The following PARD3B variants were observed in gnomAD, a reference collection of about 807,000 sequenced individuals.
The protein encoded by PARD3B is partitioning defective 3 homolog B.
In PARD3B, 103 loss-of-function variants were observed where a neutral mutation model predicts 130.2. The observed-to-expected ratio is 0.79, with a 90% confidence interval of 0.67 to 0.93. The LOEUF (loss-of-function observed/expected upper bound fraction) is 0.93, where lower values mean the gene tolerates loss of function less well. Ranked by LOEUF, PARD3B falls within the 40% of genes least tolerant of loss-of-function variation. PARD3B has a pLI of 0.00. For missense variants in PARD3B, 1,609 were observed against 1,499.2 expected, an observed-to-expected ratio of 1.07 and a Z score of -1.21; for synonymous variants, 583 against 553.2, an observed-to-expected ratio of 1.05 and a Z score of -0.76.
intron 1 of PARD3B, among the ~76,000 whole-genome samples, chr2:204,600,785 CATT>C (rs1176340530): frequency 1.3e-5 from 2 of 151,804 alleles, no homozygotes; most frequent in African/African-American, 2.4e-5. Context: ...TTCTTTCCAT[CATT>C]GACTAGCCTC....
intron 2 of PARD3B, among the ~76,000 whole-genome samples, chr2:204,753,388 ACT>A (rs2040539899): frequency 6.6e-6 from 1 of 152,026 alleles, no homozygotes; most frequent in African/African-American, 2.4e-5. Context: ...TAATTTGAAG[ACT>A]CTTAAAGTTC....
At chr2:205,444,992 A>G (rs1471126473) in intron 20 of PARD3B, among the ~76,000 whole-genome samples, 1 of 152,160 alleles carries the variant, frequency 6.6e-6, no homozygotes, top group African/African-American at 2.4e-5. Flanking sequence ...TTAAGAGGTG[A>G]GAACTTAAGG....
chr2:205,094,924 TC>T (rs900148681), intron 4 of PARD3B, among the ~76,000 whole-genome samples: 8 of 152,292 alleles, frequency 5.3e-5, no homozygotes, highest in Admixed American at 5.2e-4. Context: ...TTAAGTTTTT[TC>T]TATTTACCAG....
intron 20 of PARD3B, among the ~76,000 whole-genome samples, chr2:205,480,491 C>T (rs2049191422): frequency 1.3e-5 from 2 of 152,158 alleles, no homozygotes; most frequent in Admixed American, 1.3e-4. Flanking sequence ...CCATCCTCAC[C>T]ACCAGTCAAA....
intron 18 of PARD3B, among the ~76,000 whole-genome samples, chr2:205,381,383 A>T (rs553839931): frequency 6.0e-5 from 9 of 151,004 alleles, no homozygotes; most frequent in Non-Finnish European, 8.9e-5. Context: ...ATCAAAATCA[A>T]GTGTTCCATA....
intron 2 of PARD3B, among the ~76,000 whole-genome samples, chr2:204,724,580 TC>T (rs1234517574): frequency 6.6e-6 from 1 of 152,146 alleles, no homozygotes; most frequent in Non-Finnish European, 1.5e-5. Flanking sequence ...TTCCAGGAAT[TC>T]CCTCTGATTA....
chr2:205,205,593 C>G (rs1217293625), intron 15 of PARD3B, among the ~76,000 whole-genome samples: 1 of 151,686 alleles, frequency 6.6e-6, no homozygotes, highest in African/African-American at 2.4e-5. Flanking sequence ...TGTCATAAAT[C>G]GTTTTTATTA....
chr2:205,179,674 G>A (rs1172040470), intron 13 of PARD3B, among the ~76,000 whole-genome samples: 4 of 152,122 alleles, frequency 2.6e-5, no homozygotes, highest in Non-Finnish European at 4.4e-5. Context: ...GTTGATGCAA[G>A]GACAAAATTG....
At chr2:204,820,106 ACT>A (rs1575064937) in intron 2 of PARD3B, among the ~76,000 whole-genome samples, 2 of 110,320 alleles carry the variant, frequency 1.8e-5, no homozygotes, top group Non-Finnish European at 3.3e-5. Flanking sequence ...ACGGAGTGTC[ACT>A]CTTATTGCCC....
At chr2:204,756,660 G>T (rs2040687045) in intron 2 of PARD3B, among the ~76,000 whole-genome samples, 1 of 152,084 alleles carries the variant, frequency 6.6e-6, no homozygotes, top group Non-Finnish European at 1.5e-5. Flanking sequence ...CTCTGAGAGA[G>T]GCACGCCAGA....
Position 204,717,091 on chromosome 2 carries a change from C to A in PARD3B, c.222+30809C>A, listed in dbSNP as rs185958390. Among the ~76,000 whole-genome samples the A allele has an allele frequency of 7.7e-3, 1,178 of 152,124 alleles. 15 individuals carry two copies. The highest frequency in any genetic ancestry group is 0.025 in the African/African-American group (1,056 of 41,492). On this transcript the variant is annotated intron_variant, in intron 2 of 22. Coordinates refer to ENST00000406610, the MANE Select transcript of PARD3B (RefSeq NM_001302769.2). ...CTGCAATGGACTGTGCACCTCATTC[C>A]CTTAATTATCGCAGAATGAACCAGT...
Position 205,535,037 on chromosome 2 carries a change from T to C in PARD3B, c.3181-18287T>C, listed in dbSNP as rs535169495. 9.9e-5 allele frequency among the ~76,000 whole-genome samples: 15 copies of C among 152,048 alleles called. No individual in the cohort carries two copies. In the East Asian group the frequency reaches 2.9e-3, roughly 29 times the overall value. On this transcript the variant is annotated intron_variant, in intron 21 of 22. Coordinates refer to ENST00000406610, the MANE Select transcript of PARD3B (RefSeq NM_001302769.2). The stretch of plus-strand genomic sequence containing the variant: ...AGTCTACAGAGGGGTGTATACAGAG[T>C]AAAATGGAGTTCTTTTTTGCATCTC...
intron 3 of PARD3B, among the ~76,000 whole-genome samples, chr2:204,978,934 A>G (rs1231776855): frequency 6.7e-6 from 1 of 148,698 alleles, no homozygotes; most frequent in Non-Finnish European, 1.5e-5. Context: ...ACTGCACTCC[A>G]GCCTGGAGAG....
At chr2:205,246,463 A>G (rs551337492) in intron 16 of PARD3B, among the ~76,000 whole-genome samples, 22 of 152,180 alleles carry the variant, frequency 1.4e-4, no homozygotes, top group African/African-American at 5.3e-4. Flanking sequence ...TCCTTCCTCC[A>G]TCATCATTTA....
chr2:204,611,776 T>G (rs2033933816), intron 1 of PARD3B, among the ~76,000 whole-genome samples: 1 of 152,222 alleles, frequency 6.6e-6, no homozygotes, highest in African/African-American at 2.4e-5. Flanking sequence ...TAAAAATCCA[T>G]TTGCGTACAT....
intron 19 of PARD3B, among the ~76,000 whole-genome samples, chr2:205,420,013 T>G (rs1286015355): frequency 6.6e-6 from 1 of 152,222 alleles, no homozygotes; most frequent in East Asian, 1.9e-4. Context: ...CAAAAGCATT[T>G]GCTGCTTTAC....
chr2:204,981,464 C>T lies in PARD3B; in HGVS notation c.394+16141C>T, dbSNP rs78780597. Among the ~76,000 whole-genome samples, 275 of 152,158 alleles carry T rather than the reference C, an allele frequency of 1.8e-3. 8 individuals carry two copies. In the East Asian group the frequency reaches 0.047, roughly 26 times the overall value. ...AATAGAAGGTGTAAGGAGTTAATTC[C>T]CTCTTTCCCAGTGGGGCAATATACA... On this transcript the variant is annotated intron_variant, in intron 3 of 22. Transcript: ENST00000406610.
At chr2:204,692,810 G>A (rs766185614) in intron 2 of PARD3B, among the ~76,000 whole-genome samples, 9 of 151,970 alleles carry the variant, frequency 5.9e-5, no homozygotes, top group Non-Finnish European at 1.2e-4. Context: ...ATTACTCTCC[G>A]CTTATAGAAT....
At chr2:204,791,881 T>A (rs1266565671) in intron 2 of PARD3B, among the ~76,000 whole-genome samples, 2 of 152,222 alleles carry the variant, frequency 1.3e-5, no homozygotes, top group African/African-American at 4.8e-5. Context: ...TATGTATTTA[T>A]TAATCCACAT....
Sources: gnomAD v4.1 joint callset for allele counts (sites outside exome capture counted in the v4.1 genomes callset) on GRCh38, gnomAD v4.1.1 for gene constraint, MANE v1.5 for transcripts, NCBI Gene and HGNC (gene_info 2026-07-23, HGNC 2026-07-21) for gene names.